The following NR4A3 variants were observed in gnomAD, a reference collection of about 807,000 sequenced individuals.
NR4A3 encodes the protein nuclear receptor subfamily 4 group A member 3.
Under a neutral mutation model 55.6 loss-of-function variants are expected in NR4A3, and 13 were observed. That is an observed-to-expected ratio of 0.23 (90% CI 0.15 to 0.37). The LOEUF is 0.37. NR4A3 is among the 10% of genes least tolerant of loss of function. NR4A3 has a pLI of 1.00. For synonymous variants in NR4A3, 342 were observed against 357.9 expected (o/e 0.96, Z 0.50); for missense variants, 646 against 822.8 (o/e 0.79, Z 2.63).
chr9:99,866,530 C>T lies in NR4A3; in HGVS notation c.*2663C>T, dbSNP rs538718191. 5 of 228,576 alleles carry T rather than the reference C, an allele frequency of 2.2e-5. No homozygotes were observed. Among genetic ancestry groups the T allele is most frequent in the Admixed American group, 1.1e-4 (2 of 17,590 alleles). The allele number at this position is 228,576 out of a possible 1,614,324, so 14.2% of individuals were successfully genotyped here. On this transcript the variant is annotated 3_prime_UTR_variant, in exon 8 of 8. Transcript: ENST00000395097. ...TCCATAGTTATTACAACTATGAGAG[C>T]CTCCCAAGTCATCTTATCAACTCAA...
intron 3 of NR4A3, 135 bp downstream of exon 3, chr9:99,829,128 C>T: frequency 1.9e-6 from 2 of 1,059,328 alleles, no homozygotes; most frequent in Non-Finnish European, 2.4e-6. Flanking sequence ...TACAGCCCTT[C>T]CTAGCACCTT....
At position 99,828,121 on chromosome 9, in the gene NR4A3, A is replaced by G. The variant is rs1827344907; in HGVS notation, c.79A>G (p.Thr27Ala). 6.2e-7 allele frequency: 1 copy of G among 1,613,966 alleles called. No homozygotes were observed. The highest frequency in any genetic ancestry group is 1.7e-5 in the Admixed American group (1 of 59,996). The change falls in exon 3 of 8, where the codon ACC (threonine) becomes GCC (alanine). Residue 27 changes from threonine to alanine, a missense_variant. Coordinates refer to ENST00000395097, the MANE Select transcript of NR4A3 (RefSeq NM_006981.4). This position sits in a 1 kb window ranked among gnomAD's most constrained non-coding sequence, Gnocchi z 7.7. ...GGCGCAGACATACAGCTCGGAATAC[A>G]CCACGGAGATCATGAACCCCGACTA... ...YAAQTYSSEYTTEIMNPDYTK... is the reference protein window; with the variant it reads ...YAAQTYSSEYATEIMNPDYTK...
At chr9:99,833,832 C>T (rs137897785) in intron 5 of NR4A3, 125 of 1,285,034 alleles carry the variant, frequency 9.7e-5, no homozygotes, top group Non-Finnish European at 1.2e-4. Context: ...GGGTGAGCCT[C>T]AAGTTATTAC....
At chr9:99,855,636 C>G (rs7032280) in intron 7 of NR4A3, among the ~76,000 whole-genome samples, 8,939 of 152,208 alleles carry the variant, frequency 0.059, 873 homozygotes, top group African/African-American at 0.2. Context: ...CTTGACTTGT[C>G]GCTTCCTGAC....
chr9:99,836,156 A>G (rs1827556449), intron 5 of NR4A3, among the ~76,000 whole-genome samples: 1 of 152,228 alleles, frequency 6.6e-6, no homozygotes, highest in South Asian at 2.1e-4. Flanking sequence ...GCTGGGAGGG[A>G]TCGCTAATAT....
At chr9:99,830,748 G>A (rs1031790999) in intron 3 of NR4A3, among the ~76,000 whole-genome samples, 1 of 152,176 alleles carries the variant, frequency 6.6e-6, no homozygotes, top group South Asian at 2.1e-4. Flanking sequence ...CAGGATTTCA[G>A]TGGAAAATGC....
Position 99,827,908 on chromosome 9 carries a change from G to C in NR4A3, c.-2-133G>C. 7 of 1,108,088 alleles carry C rather than the reference G, an allele frequency of 6.3e-6. No homozygotes were observed. In the Admixed American group the frequency reaches 1.5e-4, roughly 23 times the overall value. 68.6% of individuals were successfully genotyped at this position (1,108,088 alleles called of 1,614,324 possible). A position where few individuals can be genotyped will look rare whatever the true frequency, so the allele number is the denominator to read the frequency against. ...AATAAGTGTGGGGCTTTGTGTCTAT[G>C]CTACCAGAAGGAGGAGAGGATGACA... On this transcript the variant is annotated intron_variant, in intron 2 of 7. Coordinates refer to ENST00000395097, the MANE Select transcript of NR4A3 (RefSeq NM_006981.4).
chr9:99,829,252 C>T (rs1265431442), intron 3 of NR4A3, among the ~76,000 whole-genome samples: 1 of 152,190 alleles, frequency 6.6e-6, no homozygotes, highest in Non-Finnish European at 1.5e-5. Flanking sequence ...GAACATTTTT[C>T]TGGAGAGCTT....
chr9:99,828,915 G>A lies in NR4A3; in HGVS notation c.873G>A (p.Thr291=), dbSNP rs1470053443. 2.7e-6 allele frequency: 4 copies of A among 1,472,584 alleles called. No homozygotes were observed. The highest frequency in any genetic ancestry group is 1.9e-4 in the Middle Eastern group (1 of 5,310). 91.2% of individuals were successfully genotyped at this position (1,472,584 alleles called of 1,614,324 possible). The change falls in exon 3 of 8, where the codon ACG becomes ACA. Residue 291 remains threonine (T), a synonymous_variant. Transcript: ENST00000395097. This position sits in a 1 kb window ranked among gnomAD's most constrained non-coding sequence, Gnocchi z 7.7. The part of the protein sequence containing the change: ...PSRSSSSGEG[T]CAVCGDNAAC... The stretch of plus-strand genomic sequence containing the variant: ...GGAGCTCGTCGTCTGGCGAGGGCAC[G>A]TGTGCCGTGTGCGGGGACAACGCCG...
chr9:99,827,256 A>ATG (rs1419603893), intron 2 of NR4A3, among the ~76,000 whole-genome samples: 68 of 138,982 alleles, frequency 4.9e-4, no homozygotes, highest in Middle Eastern at 3.5e-3. Flanking sequence ...TGGGATATAT[A>ATG]TATGTGTGTG....
chr9:99,848,109 G>T (rs1827787780), intron 7 of NR4A3, among the ~76,000 whole-genome samples: 1 of 152,288 alleles, frequency 6.6e-6, no homozygotes, highest in South Asian at 2.1e-4. Context: ...GCCCAGACTG[G>T]TTCAGTGTTC....
At chr9:99,848,166 C>G (rs533034781) in intron 7 of NR4A3, among the ~76,000 whole-genome samples, 62 of 152,302 alleles carry the variant, frequency 4.1e-4, no homozygotes, top group Non-Finnish European at 7.9e-4. Context: ...CAGCCCATTC[C>G]TGTGGAGCAG....
intron 5 of NR4A3, among the ~76,000 whole-genome samples, chr9:99,842,197 C>T (rs182146751): frequency 9.9e-5 from 15 of 151,000 alleles, no homozygotes; most frequent in African/African-American, 3.7e-4. Flanking sequence ...GTCTCATTTC[C>T]TCTCACCCAG....
At chr9:99,833,792 G>A (rs1827496562) in intron 5 of NR4A3, 1 of 1,322,484 alleles carries the variant, frequency 7.6e-7, no homozygotes. Flanking sequence ...AGTGACTACT[G>A]TTTTTTTTCA....
At chr9:99,823,442 A>T (rs1370766257) in intron 1 of NR4A3, among the ~76,000 whole-genome samples, 1 of 151,902 alleles carries the variant, frequency 6.6e-6, no homozygotes, top group African/African-American at 2.4e-5. Flanking sequence ...CAGAGGGAAG[A>T]GCTGCGAGGA....
At chr9:99,859,869 T>C (rs1304380162) in intron 7 of NR4A3, among the ~76,000 whole-genome samples, 1 of 152,188 alleles carries the variant, frequency 6.6e-6, no homozygotes, top group Non-Finnish European at 1.5e-5. Context: ...CTTAAATCAA[T>C]GGACTGGTAT....
rs146422972 is a variant in NR4A3, at chr9:99,850,551, G to C, written c.1633+2936G>C. Among the ~76,000 whole-genome samples, 5 of 152,294 alleles carry C rather than the reference G, an allele frequency of 3.3e-5. No individual in the cohort carries two copies. The East Asian group carries it at 5.8e-4, about 18-fold the overall frequency. ...TATTCCCTGCAGTTACAGCTGCTCA[G>C]CCCGCTGCCCATTTATGTGGAGATT... On this transcript the variant is annotated intron_variant, in intron 7 of 7. Transcript: ENST00000395097.
At chr9:99,837,595 G>A (rs1386852338) in intron 5 of NR4A3, among the ~76,000 whole-genome samples, 3 of 150,998 alleles carry the variant, frequency 2.0e-5, no homozygotes, top group East Asian at 3.9e-4. Context: ...TTTTTTTAAA[G>A]GCAACCATTT....
intron 3 of NR4A3, among the ~76,000 whole-genome samples, chr9:99,831,051 C>T (rs1052225781): frequency 6.6e-5 from 10 of 152,152 alleles, no homozygotes; most frequent in Admixed American, 3.9e-4. Flanking sequence ...GGCTTTCTAC[C>T]ATTAAATTGA....
Sources: allele counts gnomAD v4.1 joint callset (sites outside exome capture counted in the v4.1 genomes callset), GRCh38; gene constraint gnomAD v4.1.1; non-coding constraint Gnocchi (gnomAD v3.1); transcripts MANE v1.5; gene names NCBI Gene and HGNC (gene_info 2026-07-23, HGNC 2026-07-21).